HECTD4: variants seen among roughly 807,000 people sequenced by gnomAD.
HECTD4 encodes probable E3 ubiquitin-protein ligase HECTD4.
In HECTD4, 114 loss-of-function variants were observed where a neutral mutation model predicts 471.5. The ratio of observed to expected loss-of-function variants is 0.24; its 90% CI spans 0.21 to 0.28. HECTD4 has a LOEUF of 0.28. HECTD4 is among the 10% of genes least tolerant of loss of function. HECTD4 has a pLI of 1.00. For missense variants in HECTD4, 3,866 were observed against 5,651.5 expected, an observed-to-expected ratio of 0.68 and a Z score of 10.13; for synonymous variants, 2,012 against 2,256.0, an observed-to-expected ratio of 0.89 and a Z score of 3.07.
chr12:112,357,808 T>A (rs1280899929), intron 1 of HECTD4, among the ~76,000 whole-genome samples: 1 of 152,242 alleles, frequency 6.6e-6, no homozygotes, highest in Non-Finnish European at 1.5e-5. Context: ...ATGGTATGAA[T>A]GGCATTAATC....
intron 1 of HECTD4, among the ~76,000 whole-genome samples, chr12:112,324,686 A>G (rs1223988877): frequency 6.6e-6 from 1 of 152,128 alleles, no homozygotes; most frequent in Non-Finnish European, 1.5e-5. Context: ...TTTTAGTGCT[A>G]TTACCCCCAA....
intron 64 of HECTD4, 133 bp downstream of exon 64, chr12:112,178,798 G>C (rs2031557484): frequency 2.8e-6 from 3 of 1,066,108 alleles, no homozygotes; most frequent in Non-Finnish European, 3.9e-6. Context: ...CTCCAGCCTG[G>C]GCGACAAAGC....
chr12:112,301,947 A>G (rs1203763561), intron 7 of HECTD4: 1 of 882,194 alleles, frequency 1.1e-6, no homozygotes, highest in African/African-American at 1.6e-5. Context: ...TTGGGACCCA[A>G]GATATTGCCT....
intron 1 of HECTD4, among the ~76,000 whole-genome samples, chr12:112,335,562 C>G (rs1294772635): frequency 6.6e-6 from 1 of 152,106 alleles, no homozygotes; most frequent in East Asian, 1.9e-4. Flanking sequence ...GTGGTGCGCG[C>G]CTGTAGTCCC....
At position 112,232,997 on chromosome 12, in the gene HECTD4, A is replaced by C. The variant is rs574247097; in HGVS notation, c.5997+7T>G. 1.9e-6 allele frequency: 3 copies of C among 1,607,470 alleles called. No homozygotes were observed. Among genetic ancestry groups the C allele is most frequent in the African/African-American group, 2.7e-5 (2 of 74,922 alleles). ...CGGGTTTCATCGTTTTAACCTCATG[A>C]GGTTACCTTGGTCATGTCTCGATCC... On this transcript the variant is annotated splice_region_variant and intron_variant, in intron 38 of 75. Transcript: ENST00000682272.
intron 73 of HECTD4, 83 bp downstream of exon 73, chr12:112,164,026 G>A: frequency 7.6e-7 from 1 of 1,314,482 alleles, no homozygotes. Context: ...TCGTGTCATT[G>A]CCCAGGAACA....
At chr12:112,338,020 G>A (rs557448314) in intron 1 of HECTD4, among the ~76,000 whole-genome samples, 1 of 152,314 alleles carries the variant, frequency 6.6e-6, no homozygotes, top group Admixed American at 6.5e-5. Context: ...TAAAACAACA[G>A]ATATTTACTC....
chr12:112,321,497 T>C (rs1180934682), intron 1 of HECTD4, among the ~76,000 whole-genome samples: 1 of 152,184 alleles, frequency 6.6e-6, no homozygotes, highest in Non-Finnish European at 1.5e-5. Context: ...TGGTTCACAG[T>C]AGACCAGAAA....
intron 29 of HECTD4, among the ~76,000 whole-genome samples, chr12:112,245,776 C>A (rs188851292): frequency 6.4e-4 from 98 of 152,318 alleles, no homozygotes; most frequent in African/African-American, 2.1e-3. Flanking sequence ...TGTTACAGAT[C>A]CTGTCTTAAG....
chr12:112,313,187 A>G, intron 3 of HECTD4, 40 bp from the exon 4 acceptor site: 1 of 1,490,670 alleles, frequency 6.7e-7, no homozygotes, highest in Non-Finnish European at 8.9e-7. Context: ...ACACTGAGAC[A>G]ATCCATTTCA....
chr12:112,203,808 A>C, intron 53 of HECTD4, 36 bp from the exon 54 acceptor site: 1 of 1,471,138 alleles, frequency 6.8e-7, no homozygotes, highest in Non-Finnish European at 9.2e-7. Context: ...TTCAGGAAAA[A>C]GTACCACTGC....
chr12:112,246,312 T>A (rs2033760224), intron 29 of HECTD4, among the ~76,000 whole-genome samples: 1 of 152,132 alleles, frequency 6.6e-6, no homozygotes, highest in Admixed American at 6.5e-5. Flanking sequence ...ATTGTATATG[T>A]TACTATGAAA....
chr12:112,194,817 G>A lies in HECTD4; in HGVS notation c.8749+68C>T. The A allele has an allele frequency of 7.1e-7, 1 of 1,411,162 alleles. No individual in the cohort carries two copies. Among genetic ancestry groups the A allele is most frequent in the Non-Finnish European group, 9.8e-7 (1 of 1,023,438 alleles). The allele number at this position is 1,411,162 out of a possible 1,614,324, so 87.4% of individuals were successfully genotyped here. A position where few individuals can be genotyped will look rare whatever the true frequency, so the allele number is the denominator to read the frequency against. On this transcript the variant is annotated intron_variant, in intron 56 of 75. Coordinates refer to ENST00000682272, the MANE Select transcript of HECTD4 (RefSeq NM_001388303.1). This position sits in a 1 kb window ranked among gnomAD's most constrained non-coding sequence, Gnocchi z 4.6. Reference sequence around the variant, plus strand: ...CATTTCTCGCCCTCATGCAGGGAATGACTACACTGTGCACAGCGCCCGCCT... The same window carrying A: ...CATTTCTCGCCCTCATGCAGGGAATAACTACACTGTGCACAGCGCCCGCCT...
At chr12:112,334,354 A>G (rs993614069) in intron 1 of HECTD4, among the ~76,000 whole-genome samples, 5 of 151,668 alleles carry the variant, frequency 3.3e-5, no homozygotes, top group African/African-American at 1.2e-4. Context: ...CAATCCCATC[A>G]AAAAGTGGCC....
intron 1 of HECTD4, among the ~76,000 whole-genome samples, chr12:112,340,300 G>A (rs1340493995): frequency 6.6e-6 from 1 of 152,182 alleles, no homozygotes; most frequent in African/African-American, 2.4e-5. Context: ...TATTCCCAAT[G>A]CAAGGTGTGA....
In HECTD4 at chr12:112,166,319, G is replaced by A. The variant is rs939680914; in HGVS notation, c.12534+998C>T. The A allele has an allele frequency of 2.0e-5, 3 of 152,270 alleles. No homozygotes were observed. Among genetic ancestry groups the A allele is most frequent in the Admixed American group, 6.5e-5 (1 of 15,290 alleles). The allele number at this position is 152,270 out of a possible 1,614,324, so 9.4% of individuals were successfully genotyped here. On this transcript the variant is annotated intron_variant, in intron 72 of 75. Transcript: ENST00000682272. This position sits in a 1 kb window ranked among gnomAD's most constrained non-coding sequence, Gnocchi z 4.6. ...ATGGCTGCCCTGAGTGACCCAGGGGGACAATGGCAGAGACCAGAGACCTGG... is the reference window on the plus strand; with the variant it reads ...ATGGCTGCCCTGAGTGACCCAGGGGAACAATGGCAGAGACCAGAGACCTGG...
chr12:112,216,430 C>G, intron 47 of HECTD4, 59 bp from the exon 48 acceptor site: 1 of 1,183,418 alleles, frequency 8.5e-7, no homozygotes, highest in South Asian at 1.3e-5. Flanking sequence ...CACTGGCCAA[C>G]ACACAAACAG....
At chr12:112,257,130 A>T (rs2034031763) in intron 20 of HECTD4, among the ~76,000 whole-genome samples, 1 of 152,240 alleles carries the variant, frequency 6.6e-6, no homozygotes, top group Admixed American at 6.5e-5. Flanking sequence ...CTTAGTTACC[A>T]TGGAATTCTC....
At chr12:112,332,097 T>G (rs1054626810) in intron 1 of HECTD4, among the ~76,000 whole-genome samples, 6 of 151,798 alleles carry the variant, frequency 4.0e-5, no homozygotes, top group Non-Finnish European at 8.8e-5. Context: ...AGGGCTGTCA[T>G]GTGGAAGAGG....
Sources: gnomAD v4.1 joint callset for allele counts (sites outside exome capture counted in the v4.1 genomes callset) on GRCh38, gnomAD v4.1.1 for gene constraint, Gnocchi (gnomAD v3.1) non-coding constraint, MANE v1.5 for transcripts, NCBI Gene and HGNC (gene_info 2026-07-23, HGNC 2026-07-21) for gene names.